Variants in CNGA3 observed in about 807,000 individuals in gnomAD.
CNGA3 encodes cyclic nucleotide-gated channel alpha-3.
A neutral mutation model predicts 46.6 loss-of-function variants in CNGA3; 42 were observed. The observed-to-expected ratio is 0.90, with a 90% confidence interval of 0.70 to 1.17. The LOEUF is 1.17. CNGA3 is among the 50% of genes most tolerant of loss of function. The pLI is 0.00. For missense variants in CNGA3, 893 were observed against 890.7 expected (o/e 1.00, Z -0.03); for synonymous variants, 394 against 369.4 (o/e 1.07, Z -0.76).
At chr2:98,372,012 C>T (rs570759308) in intron 2 of CNGA3, among the ~76,000 whole-genome samples, 3 of 152,326 alleles carry the variant, frequency 2.0e-5, no homozygotes, top group South Asian at 2.1e-4. Flanking sequence ...GGGCATGACC[C>T]AAGCATGTCA....
intron 1 of CNGA3, among the ~76,000 whole-genome samples, chr2:98,355,541 AT>A (rs1691861320): frequency 6.6e-6 from 1 of 151,960 alleles, no homozygotes; most frequent in African/African-American, 2.4e-5. Context: ...TGTTCTGCAC[AT>A]ATTTTAAGTT....
chr2:98,393,682 G>A (rs1341161536), intron 7 of CNGA3, among the ~76,000 whole-genome samples: 1 of 152,110 alleles, frequency 6.6e-6, no homozygotes, highest in Non-Finnish European at 1.5e-5. Flanking sequence ...GCTTCAGTGG[G>A]ATGAGACACC....
intron 4 of CNGA3, among the ~76,000 whole-genome samples, chr2:98,381,641 C>T (rs1187267477): frequency 1.3e-5 from 2 of 152,104 alleles, no homozygotes; most frequent in African/African-American, 4.8e-5. Context: ...CTTTAGGAGA[C>T]CCGGGGAAAG....
At chr2:98,362,467 C>T (rs1157946471) in intron 1 of CNGA3, among the ~76,000 whole-genome samples, 2 of 151,936 alleles carry the variant, frequency 1.3e-5, no homozygotes, top group Non-Finnish European at 2.9e-5. Context: ...AGATGTGAAC[C>T]ACTACACCCG....
chr2:98,385,886 C>A (rs1692643642), intron 5 of CNGA3, among the ~76,000 whole-genome samples: 1 of 152,078 alleles, frequency 6.6e-6, no homozygotes, highest in African/African-American at 2.4e-5. Flanking sequence ...CCGTAAACAA[C>A]CAGATCTCAA....
Position 98,377,815 on chromosome 2 carries a change from T to G in CNGA3, c.215+15T>G, listed in dbSNP as rs1692443585. The G allele has an allele frequency of 6.2e-7, 1 of 1,602,616 alleles. No individual in the cohort carries two copies. Among genetic ancestry groups the G allele is most frequent in the Non-Finnish European group, 8.5e-7 (1 of 1,174,276 alleles). ...GGGATCGCCAGGTAACTGACCAGCC[T>G]CAGTCCCTACCTTGGCCTGGGGGAC... On this transcript the variant is annotated intron_variant, in intron 3 of 7. Coordinates refer to ENST00000272602, the MANE Select transcript of CNGA3 (RefSeq NM_001298.3).
chr2:98,395,422 G>A (rs907215356), intron 7 of CNGA3, among the ~76,000 whole-genome samples: 4 of 152,034 alleles, frequency 2.6e-5, no homozygotes, highest in Non-Finnish European at 4.4e-5. Context: ...CACCCGCCTC[G>A]GCCTCTCAAA....
chr2:98,380,932 C>T lies in CNGA3; in HGVS notation c.395+578C>T, dbSNP rs527754422. 4.5e-4 allele frequency among the ~76,000 whole-genome samples: 69 copies of T among 152,186 alleles called. 1 individual carries two copies. The highest frequency in any genetic ancestry group is 1.5e-3 in the African/African-American group (63 of 41,524). ...GAAGGGGACAATGGTGAGAGTAGAG[C>T]GAGGTGGGGAGAGTGCTTGCTTTCT... On this transcript the variant is annotated intron_variant, in intron 4 of 7. Coordinates refer to ENST00000272602, the MANE Select transcript of CNGA3 (RefSeq NM_001298.3).
At chr2:98,363,583 T>G (rs180698320) in intron 1 of CNGA3, among the ~76,000 whole-genome samples, 101 of 152,358 alleles carry the variant, frequency 6.6e-4, no homozygotes, top group Non-Finnish European at 1.2e-3. Context: ...CATCCTTATC[T>G]TGTGTCAGTT....
Position 98,370,013 on chromosome 2 carries a change from G to A in CNGA3, c.38G>A (p.Arg13Lys), listed in dbSNP as rs1692249660. The A allele has an allele frequency of 6.2e-7, 1 of 1,613,910 alleles. No individual in the cohort carries two copies. Among genetic ancestry groups the A allele is most frequent in the African/African-American group, 1.3e-5 (1 of 74,910 alleles). Reference sequence around the variant, plus strand: ...AACACCCAATACTCCCACCCCTCCAGGACCCACCTCAAGGTAAAGACCTCA... The same window carrying A: ...AACACCCAATACTCCCACCCCTCCAAGACCCACCTCAAGGTAAAGACCTCA... Reference protein sequence around the residue: ...KINTQYSHPSRTHLKVKTSDR... With the variant: ...KINTQYSHPSKTHLKVKTSDR... Residue 13 changes from arginine to lysine, a missense_variant, in exon 2 of 8, where the codon AGG becomes AAG. By Grantham distance (26) the Arg-to-Lys change is conservative. Coordinates refer to ENST00000272602, the MANE Select transcript of CNGA3 (RefSeq NM_001298.3).
Position 98,346,499 on chromosome 2 carries a change from C to A in CNGA3, c.-73C>A, listed in dbSNP as rs547600956. The A allele has an allele frequency of 1.9e-4, 76 of 398,434 alleles. 1 individual carries two copies. The highest frequency in any genetic ancestry group is 1.4e-3 in the African/African-American group (70 of 48,690). 24.7% of individuals were successfully genotyped at this position (398,434 alleles called of 1,614,324 possible). On this transcript the variant is annotated 5_prime_UTR_variant, in exon 1 of 8. Transcript: ENST00000272602. ...CCGAGGGAGGAGGCGCTCCGCAGACCCTGGCGCGCCGCGGAGAAGCTCAAA... is the reference window on the plus strand; with the variant it reads ...CCGAGGGAGGAGGCGCTCCGCAGACACTGGCGCGCCGCGGAGAAGCTCAAA...
intron 3 of CNGA3, chr2:98,379,945 C>T (rs1692499238): frequency 6.7e-6 from 4 of 594,942 alleles, no homozygotes; most frequent in Non-Finnish European, 9.0e-6. Flanking sequence ...GAAGCCTGCC[C>T]CTGACTGCAG....
At chr2:98,361,586 G>A (rs1249088165) in intron 1 of CNGA3, among the ~76,000 whole-genome samples, 1 of 151,802 alleles carries the variant, frequency 6.6e-6, no homozygotes, top group Non-Finnish European at 1.5e-5. Context: ...TCTGGTTCTG[G>A]GTCTTTGAGG....
chr2:98,369,700 C>A (rs1057014921), intron 1 of CNGA3, among the ~76,000 whole-genome samples: 2 of 152,224 alleles, frequency 1.3e-5, no homozygotes, highest in African/African-American at 4.8e-5. Flanking sequence ...TAACTCTGAG[C>A]ATCTCTTCAG....
chr2:98,366,679 C>T (rs909937621), intron 1 of CNGA3, among the ~76,000 whole-genome samples: 7 of 152,210 alleles, frequency 4.6e-5, no homozygotes, highest in South Asian at 4.1e-4. Flanking sequence ...CTGCCACAGC[C>T]GCTATGGTGC....
chr2:98,377,207 C>A, intron 2 of CNGA3: 1 of 175,034 alleles, frequency 5.7e-6, no homozygotes, highest in East Asian at 1.4e-4. Context: ...AACAGCTGCC[C>A]AGGCAGTGTG....
Position 98,380,320 on chromosome 2 carries a change from G to T in CNGA3, c.361G>T (p.Val121Leu). The T allele has an allele frequency of 6.2e-7, 1 of 1,614,222 alleles. No individual in the cohort carries two copies. ...SSQESNAQAN[V>L]GSQEPADRGR... is the part of the protein sequence containing the mutation. ...CCAAGAAAGCAATGCCCAGGCAAAT[G>T]TGGGCAGCCAGGAGCCAGCAGACAG... Residue 121 changes from valine (V) to leucine (L), a missense_variant, in exon 4 of 8, where the codon GTG becomes TTG. Transcript: ENST00000272602.
At chr2:98,380,509 C>G (rs1692514096) in intron 4 of CNGA3, among the ~76,000 whole-genome samples, 155 bp downstream of exon 4, 1 of 152,150 alleles carries the variant, frequency 6.6e-6, no homozygotes, top group Non-Finnish European at 1.5e-5. Flanking sequence ...CTTGGGGGAG[C>G]ACTACATGCT....
At position 98,396,741 on chromosome 2, in the gene CNGA3, A is replaced by T. The variant is rs2104249168; in HGVS notation, c.1571A>T (p.Glu524Val). The change falls in exon 8 of 8, where the codon GAG becomes GTG. Residue 524 changes from glutamate to valine, a missense_variant. Glu to Val is a moderately radical substitution (Grantham distance 121). This residue lies in a region of CNGA3 where 548 missense variants were observed against 570.8 expected (regional missense o/e 0.96). Coordinates refer to ENST00000272602, the MANE Select transcript of CNGA3 (RefSeq NM_001298.3). ...GGGAAGGAGATGTACATCATCAACG[A>T]GGGCAAGCTGGCCGTGGTGGCTGAT... ...DIGKEMYIIN[E>V]GKLAVVADDG... 1 of 1,614,192 alleles carries T rather than the reference A, an allele frequency of 6.2e-7. No homozygotes were observed. The highest frequency in any genetic ancestry group is 1.1e-5 in the South Asian group (1 of 91,084).
Sources: allele counts gnomAD v4.1 joint callset (sites outside exome capture counted in the v4.1 genomes callset), GRCh38; gene constraint gnomAD v4.1.1; regional missense constraint gnomAD v4.1.1; transcripts MANE v1.5; gene names NCBI Gene and HGNC (gene_info 2026-07-23, HGNC 2026-07-21).